The following MCTP1 variants were observed in gnomAD, a reference collection of about 807,000 sequenced individuals.
The protein encoded by MCTP1 is multiple C2 and transmembrane domain containing 1.
MCTP1 carries 69 observed loss-of-function variants against 120.6 expected under a neutral mutation model. The ratio of observed to expected loss-of-function variants is 0.57; its 90% CI spans 0.47 to 0.70. The LOEUF (loss-of-function observed/expected upper bound fraction) is 0.70, where lower values mean the gene tolerates loss of function less well. Among genes scored for constraint, MCTP1 ranks in the 30% least tolerant of loss-of-function variants. The probability of loss-of-function intolerance (pLI) is 0.00; values close to 1 mark genes in which losing one functional copy is unlikely to be tolerated. For synonymous variants in MCTP1, 529 were observed against 493.1 expected, an observed-to-expected ratio of 1.07 and a Z score of -0.96; for missense variants, 1,203 against 1,248.8, an observed-to-expected ratio of 0.96 and a Z score of 0.55.
intron 19 of MCTP1, chr5:94,739,554 C>G (rs145867286): frequency 6.6e-6 from 1 of 152,308 alleles, no homozygotes; most frequent in Non-Finnish European, 1.5e-5. Flanking sequence ...AAGGAGTGCC[C>G]AAACCCAGCC....
In MCTP1 at chr5:94,894,829, C is replaced by A; in HGVS notation, c.1659G>T (p.Gln553His). 1.3e-6 allele frequency: 2 copies of A among 1,564,736 alleles called. No homozygotes were observed. The highest frequency in any genetic ancestry group is 1.7e-6 in the Non-Finnish European group (2 of 1,148,684). ...GKRDDFIGRCQVDLSALSREQ... is the reference protein window; with the variant it reads ...GKRDDFIGRCHVDLSALSREQ... ...CCCTACTGAGGGCTGACAGGTCGACCTGGCACCTAGAGACAAATGTTTTGA... is the reference window on the plus strand; with the variant it reads ...CCCTACTGAGGGCTGACAGGTCGACATGGCACCTAGAGACAAATGTTTTGA... Residue 553 changes from glutamine to histidine, a missense_variant, in exon 11 of 23, where the codon CAG becomes CAT. This residue lies in a region of MCTP1 where 740 missense variants were observed against 871.1 expected (regional missense o/e 0.85). Coordinates refer to ENST00000515393, the MANE Select transcript of MCTP1 (RefSeq NM_024717.7).
intron 17 of MCTP1, among the ~76,000 whole-genome samples, chr5:94,864,552 T>C (rs1267910570): frequency 1.3e-5 from 2 of 151,928 alleles, no homozygotes; most frequent in Non-Finnish European, 2.9e-5. Context: ...GTCTCTCTCA[T>C]GTAGCACTAG....
intron 19 of MCTP1, among the ~76,000 whole-genome samples, chr5:94,717,542 A>G (rs747003100): frequency 6.6e-6 from 1 of 152,182 alleles, no homozygotes; most frequent in Admixed American, 6.5e-5. Flanking sequence ...CAAGAGAGAG[A>G]AATAAAGGGT....
At chr5:95,071,331 G>A (rs967059501) in intron 1 of MCTP1, among the ~76,000 whole-genome samples, 2 of 152,126 alleles carry the variant, frequency 1.3e-5, no homozygotes, top group African/African-American at 2.4e-5. Context: ...GAGAATTTTG[G>A]TGCTGCCAGA....
intron 1 of MCTP1, among the ~76,000 whole-genome samples, chr5:95,127,988 G>C (rs952898398): frequency 1.3e-5 from 2 of 152,164 alleles, no homozygotes; most frequent in Non-Finnish European, 1.5e-5. Flanking sequence ...GAGGGCTTAG[G>C]CTCCATCAAG....
chr5:94,783,504 A>G (rs1777008265), intron 18 of MCTP1, among the ~76,000 whole-genome samples: 1 of 152,102 alleles, frequency 6.6e-6, no homozygotes, highest in Non-Finnish European at 1.5e-5. Context: ...TGATGTCAAT[A>G]ATCTGAATAA....
intron 17 of MCTP1, among the ~76,000 whole-genome samples, chr5:94,858,212 C>A (rs17084157): frequency 5.9e-5 from 9 of 151,448 alleles, no homozygotes; most frequent in African/African-American, 2.2e-4. Flanking sequence ...TTGGGAAAAG[C>A]GTCATTTATA....
chr5:95,219,299 G>C (rs1331445900), intron 1 of MCTP1, among the ~76,000 whole-genome samples: 1 of 150,302 alleles, frequency 6.7e-6, no homozygotes, highest in East Asian at 2.0e-4. Context: ...GGAGAATGGC[G>C]TGAACCTGGG....
At chr5:94,810,661 C>T (rs547418410) in intron 17 of MCTP1, among the ~76,000 whole-genome samples, 1 of 152,192 alleles carries the variant, frequency 6.6e-6, no homozygotes, top group Non-Finnish European at 1.5e-5. Flanking sequence ...ATGGTAATTC[C>T]TTTTTTATAG....
chr5:94,776,656 A>G (rs1775399415), intron 19 of MCTP1, among the ~76,000 whole-genome samples: 1 of 152,194 alleles, frequency 6.6e-6, no homozygotes, highest in African/African-American at 2.4e-5. Flanking sequence ...CTATTATACC[A>G]TATGAGAAAA....
intron 1 of MCTP1, among the ~76,000 whole-genome samples, chr5:95,083,348 TATTTC>T (rs1021079551): frequency 3.9e-5 from 6 of 152,218 alleles, no homozygotes; most frequent in African/African-American, 1.4e-4. Context: ...ACAACATACT[TATTTC>T]ATTACTCTAG....
chr5:95,223,646 T>C (rs1383981740), intron 1 of MCTP1, among the ~76,000 whole-genome samples: 1 of 152,168 alleles, frequency 6.6e-6, no homozygotes, highest in African/African-American at 2.4e-5. Flanking sequence ...CAAGTCTCTT[T>C]TGTATATTTC....
At chr5:95,008,578 A>G (rs2153652374) in intron 2 of MCTP1, among the ~76,000 whole-genome samples, 1 of 152,278 alleles carries the variant, frequency 6.6e-6, no homozygotes, top group South Asian at 2.1e-4. Flanking sequence ...TAGTGTGTTA[A>G]CTTGGGTCCT....
At chr5:94,717,017 T>C (rs1377231291) in intron 19 of MCTP1, among the ~76,000 whole-genome samples, 7 of 152,168 alleles carry the variant, frequency 4.6e-5, no homozygotes, top group Non-Finnish European at 1.5e-5. Flanking sequence ...AGTGTTGTTA[T>C]TGGGTAGTTG....
At chr5:95,076,863 TAC>T (rs1440083259) in intron 1 of MCTP1, among the ~76,000 whole-genome samples, 1 of 152,182 alleles carries the variant, frequency 6.6e-6, no homozygotes, top group East Asian at 1.9e-4. Context: ...ATTACCCCAG[TAC>T]AGTTGTTTCC....
At chr5:95,271,969 T>A (rs60024380) in intron 1 of MCTP1, among the ~76,000 whole-genome samples, 1,733 of 152,296 alleles carry the variant, frequency 0.011, 19 homozygotes, top group South Asian at 0.03. Flanking sequence ...CTAGATAAAC[T>A]AAAGCCATTT....
intron 19 of MCTP1, among the ~76,000 whole-genome samples, chr5:94,760,668 A>G (rs1424829515): frequency 6.6e-6 from 1 of 151,616 alleles, no homozygotes; most frequent in Non-Finnish European, 1.5e-5. Context: ...TAACTGAGCT[A>G]CCTACAGTTT....
intron 19 of MCTP1, among the ~76,000 whole-genome samples, chr5:94,747,240 A>G (rs1346438631): frequency 1.3e-5 from 2 of 152,230 alleles, no homozygotes; most frequent in African/African-American, 4.8e-5. Context: ...TACAATTCTG[A>G]CAATGGTCAT....
intron 2 of MCTP1, among the ~76,000 whole-genome samples, chr5:94,988,598 T>TGTG (rs373479775): frequency 3.1e-5 from 2 of 64,470 alleles, no homozygotes. Context: ...CCTGTGTGTG[T>TGTG]TTTTTTTTTT....
Sources: gnomAD v4.1 joint callset for allele counts (sites outside exome capture counted in the v4.1 genomes callset) on GRCh38, gnomAD v4.1.1 for gene constraint, gnomAD v4.1.1 regional missense constraint, MANE v1.5 for transcripts, NCBI Gene and HGNC (gene_info 2026-07-23, HGNC 2026-07-21) for gene names.